KIAA0825: variants seen among roughly 807,000 people sequenced by gnomAD.
The protein encoded by KIAA0825 is KIAA0825.
In KIAA0825, 119 loss-of-function variants were observed where a neutral mutation model predicts 147.6. The observed-to-expected ratio is 0.81, with a 90% CI of 0.69 to 0.94. KIAA0825 has a LOEUF of 0.94. KIAA0825 is among the 40% of genes least tolerant of loss of function. KIAA0825 has a pLI of 0.00. For missense variants in KIAA0825, 1,381 were observed against 1,472.7 expected (o/e 0.94, Z 1.02); for synonymous variants, 470 against 518.1 (o/e 0.91, Z 1.26).
chr5:94,343,699 A>C (rs1191345824), intron 20 of KIAA0825, among the ~76,000 whole-genome samples: 1 of 152,192 alleles, frequency 6.6e-6, no homozygotes, highest in Non-Finnish European at 1.5e-5. Context: ...CAAAAACAAA[A>C]ACAAAAAAAG....
chr5:94,304,666 A>T (rs888582996), intron 20 of KIAA0825, among the ~76,000 whole-genome samples: 1 of 151,980 alleles, frequency 6.6e-6, no homozygotes, highest in African/African-American at 2.4e-5. Context: ...GACAACAGTA[A>T]ACACAGACAC....
rs182991615 is a variant in KIAA0825, at chr5:94,278,115, G to A, written c.3710+106253C>T. Reference sequence around the variant, plus strand: ...CATCACACAGTGGGACCTGTCAGGGGGTTGGGGGCAAGTGGAGGGAGAGCA... The same window carrying A: ...CATCACACAGTGGGACCTGTCAGGGAGTTGGGGGCAAGTGGAGGGAGAGCA... On this transcript the variant is annotated intron_variant, in intron 20 of 20. Coordinates refer to ENST00000682413, the MANE Select transcript of KIAA0825 (RefSeq NM_001145678.3). 4.2e-3 allele frequency among the ~76,000 whole-genome samples: 632 copies of A among 152,146 alleles called. 2 individuals are homozygous for A. The highest frequency in any genetic ancestry group is 0.014 in the African/African-American group (599 of 41,532).
intron 4 of KIAA0825, among the ~76,000 whole-genome samples, 184 bp downstream of exon 4, chr5:94,523,746 T>C (rs1005625673): frequency 6.6e-6 from 1 of 151,486 alleles, no homozygotes; most frequent in East Asian, 1.9e-4. Flanking sequence ...ATAAAAATCA[T>C]AGTTAAAAAT....
At chr5:94,580,709 T>C (rs1781947010) in intron 2 of KIAA0825, among the ~76,000 whole-genome samples, 1 of 84,718 alleles carries the variant, frequency 1.2e-5, no homozygotes, top group Non-Finnish European at 2.4e-5. Flanking sequence ...ACCCCGTCTC[T>C]ACTAAAAATA....
At chr5:94,535,411 A>G (rs6866340) in intron 3 of KIAA0825, among the ~76,000 whole-genome samples, 63,391 of 150,052 alleles carry the variant, frequency 0.42, 14,843 homozygotes, top group African/African-American at 0.64. Context: ...TTGAGAGGCT[A>G]AGGCACAAGA....
intron 2 of KIAA0825, among the ~76,000 whole-genome samples, chr5:94,581,452 G>A (rs1052219057): frequency 4.6e-5 from 7 of 152,114 alleles, no homozygotes; most frequent in African/African-American, 1.4e-4. Flanking sequence ...CAAAGGAAAT[G>A]TAGAAACCTA....
At chr5:94,211,142 A>C (rs897929358) in intron 20 of KIAA0825, among the ~76,000 whole-genome samples, 7 of 152,156 alleles carry the variant, frequency 4.6e-5, no homozygotes, top group South Asian at 4.1e-4. Context: ...TAGTCCAGAG[A>C]TGTCTCAAGA....
chr5:94,484,307 C>G (rs1318342299), intron 6 of KIAA0825, among the ~76,000 whole-genome samples: 2 of 151,630 alleles, frequency 1.3e-5, no homozygotes, highest in Non-Finnish European at 3.0e-5. Context: ...ATATCGAAAT[C>G]TGAAGCATCT....
chr5:94,578,805 C>A (rs1242349957), intron 2 of KIAA0825, among the ~76,000 whole-genome samples: 1 of 152,190 alleles, frequency 6.6e-6, no homozygotes, highest in South Asian at 2.1e-4. Flanking sequence ...AGATTTTCAG[C>A]AGCTCTGAGA....
At chr5:94,467,152 T>C (rs1479482129) in intron 10 of KIAA0825, among the ~76,000 whole-genome samples, 1 of 152,230 alleles carries the variant, frequency 6.6e-6, no homozygotes, top group East Asian at 1.9e-4. Flanking sequence ...CTTTTTAAAA[T>C]ATAAACTTCA....
intron 20 of KIAA0825, among the ~76,000 whole-genome samples, chr5:94,287,325 A>G (rs955560304): frequency 1.3e-5 from 2 of 152,172 alleles, no homozygotes; most frequent in Admixed American, 1.3e-4. Context: ...CTATCTTAAA[A>G]TATGAAGACA....
intron 2 of KIAA0825, among the ~76,000 whole-genome samples, chr5:94,555,199 T>C (rs1277653474): frequency 6.6e-6 from 1 of 152,016 alleles, no homozygotes; most frequent in Admixed American, 6.6e-5. Context: ...TTACTGGGAG[T>C]TGAGATTTTA....
At chr5:94,549,051 T>C (rs2151425604) in intron 2 of KIAA0825, among the ~76,000 whole-genome samples, 1 of 152,250 alleles carries the variant, frequency 6.6e-6, no homozygotes, top group African/African-American at 2.4e-5. Context: ...CAAAGAAACA[T>C]TGAACTTAAT....
intron 2 of KIAA0825, among the ~76,000 whole-genome samples, chr5:94,556,141 C>T (rs1776507610): frequency 6.6e-6 from 1 of 152,016 alleles, no homozygotes; most frequent in African/African-American, 2.4e-5. Flanking sequence ...TAACCTCCGC[C>T]TCCTGGATTC....
intron 7 of KIAA0825, among the ~76,000 whole-genome samples, chr5:94,475,733 T>C (rs1761808972): frequency 6.6e-6 from 1 of 151,994 alleles, no homozygotes; most frequent in Non-Finnish European, 1.5e-5. Flanking sequence ...CGCTTGAACT[T>C]GGGAGGCGGA....
At chr5:94,163,639 C>G (rs1031531253) in intron 20 of KIAA0825, among the ~76,000 whole-genome samples, 1 of 152,142 alleles carries the variant, frequency 6.6e-6, no homozygotes, top group African/African-American at 2.4e-5. Context: ...ATTTAGTCAT[C>G]AGTAAAATAT....
intron 14 of KIAA0825, among the ~76,000 whole-genome samples, chr5:94,418,689 C>G (rs1007239995): frequency 2.0e-5 from 3 of 151,798 alleles, no homozygotes; most frequent in African/African-American, 7.3e-5. Context: ...GTTATTAACC[C>G]CAGTAGAAAG....
chr5:94,166,078 T>C (rs1767999741), intron 20 of KIAA0825, among the ~76,000 whole-genome samples: 1 of 152,178 alleles, frequency 6.6e-6, no homozygotes, highest in Non-Finnish European at 1.5e-5. Flanking sequence ...GATGTGCTTA[T>C]TTCACATTAC....
intron 3 of KIAA0825, among the ~76,000 whole-genome samples, chr5:94,528,060 A>C (rs914761715): frequency 6.6e-6 from 1 of 152,198 alleles, no homozygotes; most frequent in African/African-American, 2.4e-5. Flanking sequence ...TCAATGGCTA[A>C]AATGGTGAGA....
Sources: gnomAD v4.1 joint callset for allele counts (sites outside exome capture counted in the v4.1 genomes callset) on GRCh38, gnomAD v4.1.1 for gene constraint, MANE v1.5 for transcripts, NCBI Gene and HGNC (gene_info 2026-07-23, HGNC 2026-07-21) for gene names.